Variants in LRCH1 observed in about 807,000 individuals in gnomAD.
LRCH1 encodes the protein leucine-rich repeat and calponin homology domain-containing protein 1.
Under a neutral mutation model 94.9 loss-of-function variants are expected in LRCH1, and 23 were observed. The observed-to-expected ratio is 0.24, with a 90% CI of 0.17 to 0.34. The LOEUF (loss-of-function observed/expected upper bound fraction) is 0.34. Among genes scored for constraint, LRCH1 ranks in the 10% least tolerant of loss-of-function variants. The pLI, the probability that LRCH1 is intolerant of heterozygous loss-of-function variation, is 1.00. For synonymous variants in LRCH1, 364 were observed against 354.9 expected, an observed-to-expected ratio of 1.03 and a Z score of -0.29; for missense variants, 790 against 945.9, an observed-to-expected ratio of 0.84 and a Z score of 2.16.
intron 1 of LRCH1, among the ~76,000 whole-genome samples, chr13:46,554,791 A>T (rs1271374777): frequency 6.6e-6 from 1 of 152,156 alleles, no homozygotes; most frequent in Non-Finnish European, 1.5e-5. Context: ...CAAGCGCCCA[A>T]CATTTCCCAG....
intron 1 of LRCH1, among the ~76,000 whole-genome samples, chr13:46,640,850 C>A (rs1364174610): frequency 2.0e-5 from 3 of 152,138 alleles, no homozygotes; most frequent in African/African-American, 7.2e-5. Context: ...CAGGGAAGAC[C>A]TCATGGTTCA....
chr13:46,661,198 A>G (rs1165612167), intron 2 of LRCH1, among the ~76,000 whole-genome samples: 1 of 152,186 alleles, frequency 6.6e-6, no homozygotes, highest in Non-Finnish European at 1.5e-5. Context: ...ACAGAATTTG[A>G]TCTAAAGCCT....
chr13:46,682,008 A>C (rs1412169696), intron 4 of LRCH1, among the ~76,000 whole-genome samples, 162 bp downstream of exon 4: 5 of 150,968 alleles, frequency 3.3e-5, no homozygotes, highest in African/African-American at 1.2e-4. Context: ...TACAGATAAC[A>C]AAAAAGTGAT....
intron 3 of LRCH1, among the ~76,000 whole-genome samples, chr13:46,672,295 G>T (rs1377034351): frequency 6.6e-6 from 1 of 151,486 alleles, no homozygotes; most frequent in Non-Finnish European, 1.5e-5. Flanking sequence ...ACATCTTGGT[G>T]GCTTGCAAGT....
chr13:46,635,467 C>CAT, intron 1 of LRCH1, among the ~76,000 whole-genome samples: 1 of 96,626 alleles, frequency 1.0e-5, no homozygotes, highest in Admixed American at 1.3e-4. Context: ...CCCCTCCCAC[C>CAT]TTTTTTTTTT....
At chr13:46,664,339 A>G (rs917907191) in intron 2 of LRCH1, among the ~76,000 whole-genome samples, 2 of 152,238 alleles carry the variant, frequency 1.3e-5, no homozygotes, top group African/African-American at 4.8e-5. Flanking sequence ...AAAAATGTCT[A>G]TGGCGTAGTG....
At chr13:46,560,286 A>G (rs1233499187) in intron 1 of LRCH1, among the ~76,000 whole-genome samples, 1 of 152,022 alleles carries the variant, frequency 6.6e-6, no homozygotes, top group Non-Finnish European at 1.5e-5. Flanking sequence ...TTAACTCCAT[A>G]TAAGGTGGTT....
At chr13:46,588,726 G>A (rs756129666) in intron 1 of LRCH1, among the ~76,000 whole-genome samples, 1 of 149,640 alleles carries the variant, frequency 6.7e-6, no homozygotes, top group Admixed American at 6.7e-5. Flanking sequence ...TTAGCCTCCC[G>A]AGTAGCTGGG....
chr13:46,747,897 C>T (rs1873975843), downstream of LRCH1, among the ~76,000 whole-genome samples: 1 of 152,044 alleles, frequency 6.6e-6, no homozygotes, highest in Non-Finnish European at 1.5e-5. Flanking sequence ...ACCACCATGT[C>T]CAGCTAATTT....
intron 19 of LRCH1, among the ~76,000 whole-genome samples, chr13:46,737,145 G>A (rs1326555252): frequency 1.3e-5 from 2 of 152,170 alleles, no homozygotes; most frequent in East Asian, 3.8e-4. Flanking sequence ...TGGAACCACT[G>A]TGTGGTTTCT....
rs1283594017 is a variant in LRCH1, at chr13:46,553,693, G to T, written c.297G>T (p.Thr99=). The T allele has an allele frequency of 6.2e-7, 1 of 1,609,510 alleles. No individual in the cohort carries two copies. The highest frequency in any genetic ancestry group is 8.5e-7 in the Non-Finnish European group (1 of 1,179,160). ...TAAPGHDLSD[T]VQADLSKNRL... Reference sequence around the variant, plus strand: ...CCCCCGGGCACGACCTCTCGGACACGGTGCAGGCAGGTGAGTGAGGGCCGA... The same window carrying T: ...CCCCCGGGCACGACCTCTCGGACACTGTGCAGGCAGGTGAGTGAGGGCCGA... The change falls in exon 1 of 20, where the codon ACG becomes ACT. Residue 99 remains threonine (T), a synonymous_variant. Transcript: ENST00000389797.
At chr13:46,698,289 G>A (rs1370204699) in intron 9 of LRCH1, among the ~76,000 whole-genome samples, 2 of 152,180 alleles carry the variant, frequency 1.3e-5, no homozygotes, top group African/African-American at 2.4e-5. Context: ...TCCTAGCTAG[G>A]GAAATGTGGC....
chr13:46,620,158 C>T (rs935375382), intron 1 of LRCH1, among the ~76,000 whole-genome samples: 2 of 152,078 alleles, frequency 1.3e-5, no homozygotes, highest in African/African-American at 4.8e-5. Context: ...CCACAGCTAC[C>T]CAGTGGCCTA....
In LRCH1 at chr13:46,701,114, G is replaced by A. The variant is rs556533190; in HGVS notation, c.1314-7G>A. On this transcript the variant is annotated splice_region_variant and splice_polypyrimidine_tract_variant and intron_variant, in intron 10 of 19. Transcript: ENST00000389797. ...TTTTCATTCTTATGCTTGGTTTCAC[G>A]TTACAGAATAAGTTCATCCAAAGAT... 93 of 1,586,278 alleles carry A rather than the reference G, an allele frequency of 5.9e-5. No individual in the cohort carries two copies. The East Asian group carries it at 6.0e-4, about 10-fold the overall frequency.
intron 19 of LRCH1, among the ~76,000 whole-genome samples, chr13:46,741,053 AAATGT>A (rs1873628099): frequency 6.6e-6 from 1 of 152,318 alleles, no homozygotes; most frequent in South Asian, 2.1e-4. Flanking sequence ...CAAAAATATG[AAATGT>A]AATGTACTTT....
chr13:46,605,695 T>A (rs1594280203), intron 1 of LRCH1, among the ~76,000 whole-genome samples: 1 of 152,244 alleles, frequency 6.6e-6, no homozygotes, highest in East Asian at 1.9e-4. Context: ...TATTTCTTCA[T>A]GAGATAAATT....
chr13:46,721,334 G>T (rs865841645), intron 16 of LRCH1, among the ~76,000 whole-genome samples: 2 of 152,288 alleles, frequency 1.3e-5, no homozygotes, highest in South Asian at 2.1e-4. Flanking sequence ...GTGTTGAGGC[G>T]CCCCTTGCTG....
chr13:46,562,065 A>G (rs2050135064), intron 1 of LRCH1, among the ~76,000 whole-genome samples: 5 of 152,190 alleles, frequency 3.3e-5, no homozygotes, highest in Admixed American at 3.3e-4. Flanking sequence ...AAAATGCTAG[A>G]AAAACATTGA....
chr13:46,603,562 G>A (rs1296697348), intron 1 of LRCH1, among the ~76,000 whole-genome samples: 1 of 152,148 alleles, frequency 6.6e-6, no homozygotes, highest in East Asian at 1.9e-4. Flanking sequence ...TGCTACCCTA[G>A]GTAACCGAGT....
Sources: gnomAD v4.1 joint callset for allele counts (sites outside exome capture counted in the v4.1 genomes callset) on GRCh38, gnomAD v4.1.1 for gene constraint, MANE v1.5 for transcripts, NCBI Gene and HGNC (gene_info 2026-07-23, HGNC 2026-07-21) for gene names.